The following PRKCA variants were observed in gnomAD, a reference collection of about 807,000 sequenced individuals.
PRKCA encodes the protein protein kinase C alpha type.
In PRKCA, 27 loss-of-function variants were observed where a neutral mutation model predicts 87.0. The ratio of observed to expected loss-of-function variants is 0.31; its 90% CI spans 0.23 to 0.43. The LOEUF is 0.43. Ranked by LOEUF, PRKCA falls within the 20% of genes least tolerant of loss-of-function variation. The probability of loss-of-function intolerance (pLI) is 1.00; values close to 1 mark genes in which losing one functional copy is unlikely to be tolerated. For synonymous variants in PRKCA, 329 were observed against 311.1 expected (o/e 1.06, Z -0.61); for missense variants, 518 against 852.3 (o/e 0.61, Z 4.88).
At position 66,689,670 on chromosome 17, in the gene PRKCA, T is replaced by TCTTCTCCTCTCTCTCC. The variant is rs1396513675; in HGVS notation, c.918+634_918+649dup. ...CTCCTCTGCTCCTTACTCCTCTTTT[T>TCTTCTCCTCTCTCTCC]CTTCTCCTCTCTCTCCCTTCTCCTC... On this transcript the variant is annotated intron_variant, in intron 8 of 16. Transcript: ENST00000413366. This position sits in a 1 kb window ranked among gnomAD's most constrained non-coding sequence, Gnocchi z 4.1. Among the ~76,000 whole-genome samples the TCTTCTCCTCTCTCTCC allele has an allele frequency of 7.9e-5, 12 of 152,218 alleles. No homozygotes were observed. The highest frequency in any genetic ancestry group is 6.5e-5 in the Admixed American group (1 of 15,280).
Position 66,787,064 on chromosome 17 carries a change from A to G in PRKCA, c.1713+90A>G, listed in dbSNP as rs113042724. ...CCACACTTCTAAGAGAGATGGCAGA[A>G]ACACCACAAACCCACACCACTGCAT... is the stretch of plus-strand genomic sequence containing the variant. On this transcript the variant is annotated intron_variant, in intron 15 of 16. Coordinates refer to ENST00000413366, the MANE Select transcript of PRKCA (RefSeq NM_002737.3). The G allele has an allele frequency of 6.9e-6, 7 of 1,012,866 alleles. No homozygotes were observed. In the African/African-American group the frequency reaches 9.5e-5, roughly 14 times the overall value. The allele number at this position is 1,012,866 out of a possible 1,614,324, so 62.7% of individuals were successfully genotyped here. A position where few individuals can be genotyped will look rare whatever the true frequency, so the allele number is the denominator to read the frequency against.
intron 2 of PRKCA, among the ~76,000 whole-genome samples, chr17:66,493,331 C>T (rs369750553): frequency 6.2e-4 from 73 of 117,680 alleles, no homozygotes; most frequent in Non-Finnish European, 1.2e-3. Flanking sequence ...GTGTGTATGT[C>T]TATTTTGTCA....
At chr17:66,756,555 C>CA (rs143822750) in intron 13 of PRKCA, among the ~76,000 whole-genome samples, 12,018 of 145,216 alleles carry the variant, frequency 0.083, 518 homozygotes, top group African/African-American at 0.11. Context: ...CACTAAATGG[C>CA]AAAAAAAAAA....
intron 2 of PRKCA, among the ~76,000 whole-genome samples, chr17:66,435,716 T>A (rs1913350224): frequency 6.6e-6 from 1 of 152,088 alleles, no homozygotes; most frequent in Non-Finnish European, 1.5e-5. Flanking sequence ...GCGAAGTCTA[T>A]GGGGCGGTTC....
chr17:66,785,396 G>A (rs1245449009), intron 14 of PRKCA, among the ~76,000 whole-genome samples: 3 of 152,166 alleles, frequency 2.0e-5, no homozygotes, highest in Non-Finnish European at 4.4e-5. Context: ...CCATCACTGT[G>A]TGACCTGCCC....
At chr17:66,700,764 A>T (rs1014830774) in intron 8 of PRKCA, among the ~76,000 whole-genome samples, 8 of 152,222 alleles carry the variant, frequency 5.3e-5, no homozygotes, top group South Asian at 2.1e-4. Context: ...CTGTACACTG[A>T]AAAATAGAAA....
intron 2 of PRKCA, among the ~76,000 whole-genome samples, chr17:66,414,292 G>A (rs995416836): frequency 2.6e-5 from 4 of 152,210 alleles, no homozygotes; most frequent in East Asian, 1.9e-4. Context: ...GAGTTCTCAC[G>A]AGATCTGGTC....
intron 2 of PRKCA, among the ~76,000 whole-genome samples, chr17:66,373,486 A>T (rs1909231098): frequency 6.6e-6 from 1 of 152,214 alleles, no homozygotes; most frequent in Admixed American, 6.5e-5. Flanking sequence ...CTTTGTTTAA[A>T]GGGCCTGTAT....
chr17:66,306,288 G>A, intron 2 of PRKCA, 161 bp downstream of exon 2: 3 of 646,600 alleles, frequency 4.6e-6, no homozygotes, highest in South Asian at 2.1e-5. Flanking sequence ...AATAATTGGG[G>A]CCTACTAATC....
intron 3 of PRKCA, among the ~76,000 whole-genome samples, chr17:66,516,369 AC>A: frequency 6.6e-6 from 1 of 152,166 alleles, no homozygotes; most frequent in East Asian, 1.9e-4. Context: ...GTGGTGGCTC[AC>A]CCCTGCAATC....
chr17:66,435,154 T>C (rs1208215196), intron 2 of PRKCA, among the ~76,000 whole-genome samples: 2 of 152,188 alleles, frequency 1.3e-5, no homozygotes, highest in Admixed American at 6.5e-5. Context: ...CAATAGACGC[T>C]TTTGCTAAGC....
intron 2 of PRKCA, among the ~76,000 whole-genome samples, chr17:66,394,830 G>A (rs1340325734): frequency 6.6e-6 from 1 of 152,130 alleles, no homozygotes; most frequent in Non-Finnish European, 1.5e-5. Flanking sequence ...TCTCCTTCCT[G>A]CTGCCTTGTG....
intron 3 of PRKCA, among the ~76,000 whole-genome samples, chr17:66,626,197 C>CTTTTTT (rs1365992383): frequency 6.7e-6 from 1 of 148,742 alleles, no homozygotes. Context: ...TCCTCTTTTT[C>CTTTTTT]TTTTCTTTTT....
chr17:66,719,470 T>G (rs1206952774), intron 8 of PRKCA, among the ~76,000 whole-genome samples: 3 of 152,260 alleles, frequency 2.0e-5, no homozygotes, highest in East Asian at 1.9e-4. Context: ...AAAATGAGTA[T>G]AAAATTTTAG....
At chr17:66,474,804 G>A (rs939944778) in intron 2 of PRKCA, among the ~76,000 whole-genome samples, 3 of 152,174 alleles carry the variant, frequency 2.0e-5, no homozygotes, top group Non-Finnish European at 4.4e-5. Flanking sequence ...AAAGGTTTGT[G>A]TGTTGCGCGT....
chr17:66,575,379 G>C (rs950482029), intron 3 of PRKCA, among the ~76,000 whole-genome samples: 6 of 152,200 alleles, frequency 3.9e-5, no homozygotes, highest in Non-Finnish European at 7.3e-5. Flanking sequence ...AAGAGTTCTA[G>C]ACCAGCATGG....
At chr17:66,548,706 G>A (rs769679364) in intron 3 of PRKCA, among the ~76,000 whole-genome samples, 44 of 152,230 alleles carry the variant, frequency 2.9e-4, no homozygotes, top group Non-Finnish European at 4.7e-4. Context: ...ATGGACTTTC[G>A]AAAAGGTGAG....
chr17:66,563,951 T>TTTCCTTCCTTCCTTCCTTCC (rs202204103), intron 3 of PRKCA, among the ~76,000 whole-genome samples: 95 of 136,672 alleles, frequency 7.0e-4, no homozygotes, highest in East Asian at 1.3e-3. Flanking sequence ...TTGTTTCTTC[T>TTTCCTTCCTTCCTTCCTTCC]TTCCTTCCTT....
rs368602635 is a variant in PRKCA at position 66,566,479 on chromosome 17, G to GTTTTTTTTTTTT, written c.288+70196_288+70197insTTTTTTTTTTTT. On this transcript the variant is annotated intron_variant, in intron 3 of 16. Coordinates refer to ENST00000413366, the MANE Select transcript of PRKCA (RefSeq NM_002737.3). The stretch of plus-strand genomic sequence containing the variant: ...TTGTGAAGAACTGTTGTTGTTTTTT[G>GTTTTTTTTTTTT]GTTTTTTTTTTTTTTTTTTTTTTGC... Among the ~76,000 whole-genome samples, 93 of 74,588 alleles carry GTTTTTTTTTTTT rather than the reference G, an allele frequency of 1.2e-3. 4 individuals carry two copies. Among genetic ancestry groups the GTTTTTTTTTTTT allele is most frequent in the Non-Finnish European group, 1.6e-3 (57 of 35,930 alleles). The allele number at this position is 74,588 out of a possible 152,430, so 48.9% of individuals were successfully genotyped here. A position where few individuals can be genotyped will look rare whatever the true frequency, so the allele number is the denominator to read the frequency against.
Sources: allele counts gnomAD v4.1 joint callset (sites outside exome capture counted in the v4.1 genomes callset), GRCh38; gene constraint gnomAD v4.1.1; non-coding constraint Gnocchi (gnomAD v3.1); transcripts MANE v1.5; gene names NCBI Gene and HGNC (gene_info 2026-07-23, HGNC 2026-07-21).